Variants in ELOVL7 observed in about 807,000 individuals in gnomAD.
ELOVL7 encodes the protein very long chain fatty acid elongase 7.
ELOVL7 carries 27 observed loss-of-function variants against 35.7 expected under a neutral mutation model. The observed-to-expected ratio is 0.76, with a 90% confidence interval of 0.56 to 1.04. The LOEUF is 1.04. Among genes scored for constraint, ELOVL7 ranks in the 50% least tolerant of loss-of-function variants. The pLI, the probability that ELOVL7 is intolerant of heterozygous loss-of-function variation, is 0.00. For missense variants in ELOVL7, 327 were observed against 340.8 expected (o/e 0.96, Z 0.32); for synonymous variants, 113 against 114.6 (o/e 0.99, Z 0.09).
intron 3 of ELOVL7, among the ~76,000 whole-genome samples, chr5:60,786,264 C>CT (rs1015941160): frequency 2.6e-5 from 4 of 151,870 alleles, no homozygotes; most frequent in African/African-American, 7.3e-5. Flanking sequence ...TGCTCTGATT[C>CT]TTTTTTTTGA....
At chr5:60,829,077 T>C (rs1182087670) in intron 1 of ELOVL7, among the ~76,000 whole-genome samples, 2 of 152,132 alleles carry the variant, frequency 1.3e-5, no homozygotes, top group Admixed American at 6.5e-5. Flanking sequence ...TCTACTTTTA[T>C]AAATGTTTAG....
intron 1 of ELOVL7, among the ~76,000 whole-genome samples, chr5:60,836,639 A>G (rs996632766): frequency 2.6e-5 from 4 of 152,042 alleles, no homozygotes; most frequent in Non-Finnish European, 5.9e-5. Flanking sequence ...ACCCTTAAGT[A>G]ATAAGTGCCC....
At chr5:60,770,966 C>T (rs1353146687) in intron 4 of ELOVL7, among the ~76,000 whole-genome samples, 2 of 152,148 alleles carry the variant, frequency 1.3e-5, no homozygotes. Flanking sequence ...TACCAAAGTG[C>T]TGGGATTACA....
At chr5:60,768,408 A>G (rs1367429591) in intron 4 of ELOVL7, among the ~76,000 whole-genome samples, 2 of 152,216 alleles carry the variant, frequency 1.3e-5, no homozygotes, top group Non-Finnish European at 2.9e-5. Context: ...GGCTTTTCCC[A>G]TCATTGGCTG....
At chr5:60,789,595 C>T (rs1743802851) in intron 2 of ELOVL7, among the ~76,000 whole-genome samples, 1 of 152,182 alleles carries the variant, frequency 6.6e-6, no homozygotes, top group South Asian at 2.1e-4. Flanking sequence ...ACTTTTAACA[C>T]AGCATTTCTA....
intron 3 of ELOVL7, 80 bp from the exon 4 acceptor site, chr5:60,772,173 C>A: frequency 1.2e-6 from 1 of 831,010 alleles, no homozygotes. Context: ...TTTAACTGAG[C>A]ACCCAGATCC....
chr5:60,828,438 C>G (rs1046014684), intron 1 of ELOVL7, among the ~76,000 whole-genome samples: 3 of 152,118 alleles, frequency 2.0e-5, no homozygotes, highest in African/African-American at 7.2e-5. Flanking sequence ...TTTAACAAAA[C>G]ATATACCTAA....
At chr5:60,775,548 T>G (rs1742851431) in intron 3 of ELOVL7, among the ~76,000 whole-genome samples, 1 of 152,198 alleles carries the variant, frequency 6.6e-6, no homozygotes, top group South Asian at 2.1e-4. Context: ...AGAACAAAGC[T>G]GGAGGCATCA....
chr5:60,759,686 G>A (rs1741766770), intron 7 of ELOVL7, among the ~76,000 whole-genome samples: 1 of 150,842 alleles, frequency 6.6e-6, no homozygotes, highest in African/African-American at 2.4e-5. Flanking sequence ...TGTGCACAAT[G>A]TGCAGGTTAG....
intron 2 of ELOVL7, among the ~76,000 whole-genome samples, chr5:60,788,480 A>T (rs989990191): frequency 6.6e-6 from 1 of 152,266 alleles, no homozygotes; most frequent in East Asian, 1.9e-4. Context: ...TTTTACCATG[A>T]TTTTTAAAAA....
At chr5:60,840,786 C>T (rs2112417351) in intron 1 of ELOVL7, among the ~76,000 whole-genome samples, 1 of 152,204 alleles carries the variant, frequency 6.6e-6, no homozygotes, top group South Asian at 2.1e-4. Context: ...GGAACAGTAT[C>T]ATTAGGAAAT....
At chr5:60,789,089 A>C (rs1043377572) in intron 2 of ELOVL7, among the ~76,000 whole-genome samples, 2 of 152,222 alleles carry the variant, frequency 1.3e-5, no homozygotes, top group African/African-American at 4.8e-5. Context: ...CCATGAAATC[A>C]CTAGATGACA....
intron 1 of ELOVL7, among the ~76,000 whole-genome samples, chr5:60,812,524 T>C (rs1241124462): frequency 2.0e-5 from 3 of 152,120 alleles, no homozygotes; most frequent in Admixed American, 1.3e-4. Context: ...GATAATGGAA[T>C]AAGGGAAAGG....
At chr5:60,771,241 G>C (rs1044722514) in intron 4 of ELOVL7, among the ~76,000 whole-genome samples, 1 of 152,190 alleles carries the variant, frequency 6.6e-6, no homozygotes, top group Non-Finnish European at 1.5e-5. Context: ...GGGGGTGGCT[G>C]AGGCATGTTA....
rs749653774 is a variant in ELOVL7, at chr5:60,771,972, A to T, written c.186T>A (p.Phe62Leu). 1 of 1,614,042 alleles carries T rather than the reference A, an allele frequency of 6.2e-7. No homozygotes were observed. The highest frequency in any genetic ancestry group is 8.5e-7 in the Non-Finnish European group (1 of 1,179,936). ...ACGTTATCATTGCTTTCTTGAGTTC[A>T]AAGGGCTTGCGATTTTCCATGAGCT... is the stretch of plus-strand genomic sequence containing the variant. ...GPKLMENRKP[F>L]ELKKAMITYN... Residue 62 changes from phenylalanine to leucine, a missense_variant, in exon 4 of 9, where the codon TTT becomes TTA. By Grantham distance (22) the Phe-to-Leu change is conservative (BLOSUM62 0). Coordinates refer to ENST00000508821, the MANE Select transcript of ELOVL7 (RefSeq NM_024930.3).
chr5:60,817,238 A>T (rs79611705), intron 1 of ELOVL7, among the ~76,000 whole-genome samples: 2 of 143,432 alleles, frequency 1.4e-5, no homozygotes, highest in African/African-American at 2.5e-5. Context: ...TCAACAAATT[A>T]AAAAAAAAAA....
chr5:60,770,311 T>C (rs1005306922), intron 4 of ELOVL7, among the ~76,000 whole-genome samples: 2 of 152,180 alleles, frequency 1.3e-5, no homozygotes, highest in African/African-American at 4.8e-5. Context: ...AAATCAGACA[T>C]AGACCCTAAG....
At chr5:60,800,863 C>G (rs1024037407) in intron 1 of ELOVL7, among the ~76,000 whole-genome samples, 1 of 152,196 alleles carries the variant, frequency 6.6e-6, no homozygotes, top group African/African-American at 2.4e-5. Context: ...GATGTGGAAT[C>G]CTCAGTTATG....
chr5:60,803,874 C>T (rs569434413), intron 1 of ELOVL7, among the ~76,000 whole-genome samples: 1 of 152,316 alleles, frequency 6.6e-6, no homozygotes, highest in Non-Finnish European at 1.5e-5. Context: ...TTTTTACCAT[C>T]CTTTCCACTC....
Sources: allele counts gnomAD v4.1 joint callset (sites outside exome capture counted in the v4.1 genomes callset), GRCh38; gene constraint gnomAD v4.1.1; transcripts MANE v1.5; gene names NCBI Gene and HGNC (gene_info 2026-07-23, HGNC 2026-07-21).